The following PI4K2B variants were observed in gnomAD, a reference collection of about 807,000 sequenced individuals.
The protein encoded by PI4K2B is phosphatidylinositol 4-kinase type 2-beta.
PI4K2B carries 46 observed loss-of-function variants against 56.6 expected under a neutral mutation model. The observed-to-expected ratio is 0.81, with a 90% CI of 0.64 to 1.04. The LOEUF (loss-of-function observed/expected upper bound fraction) is 1.04. Ranked by LOEUF, PI4K2B falls within the 50% of genes least tolerant of loss-of-function variation. PI4K2B has a pLI of 0.00. For synonymous variants in PI4K2B, 211 were observed against 223.8 expected, an observed-to-expected ratio of 0.94 and a Z score of 0.51; for missense variants, 556 against 607.7, an observed-to-expected ratio of 0.91 and a Z score of 0.89.
chr4:25,260,594 A>T lies in PI4K2B; in HGVS notation c.978+3A>T. On this transcript the variant is annotated splice_donor_region_variant and intron_variant, in intron 6 of 9. Coordinates refer to ENST00000264864, the MANE Select transcript of PI4K2B (RefSeq NM_018323.4). ...GTGAAAAGGAAATTGACCATAAGGTAAGGAAATTTACAATTTTATATATAT... is the reference window on the plus strand; with the variant it reads ...GTGAAAAGGAAATTGACCATAAGGTTAGGAAATTTACAATTTTATATATAT... 2.0e-6 allele frequency: 2 copies of T among 991,284 alleles called. No individual in the cohort carries two copies. Among genetic ancestry groups the T allele is most frequent in the Non-Finnish European group, 2.8e-6 (2 of 704,962 alleles). 61.4% of individuals were successfully genotyped at this position (991,284 alleles called of 1,614,324 possible). A position where few individuals can be genotyped will look rare whatever the true frequency, so the allele number is the denominator to read the frequency against.
intron 5 of PI4K2B, among the ~76,000 whole-genome samples, chr4:25,259,657 G>C (rs1383731342): frequency 6.6e-6 from 1 of 151,716 alleles, no homozygotes; most frequent in East Asian, 1.9e-4. Flanking sequence ...GAATTGTCTT[G>C]GGCCACACAT....
chr4:25,238,346 G>A (rs1004207732), intron 1 of PI4K2B, among the ~76,000 whole-genome samples: 1 of 152,188 alleles, frequency 6.6e-6, no homozygotes, highest in Non-Finnish European at 1.5e-5. Context: ...CAATATCTGT[G>A]ATTAAAGTGA....
intron 7 of PI4K2B, among the ~76,000 whole-genome samples, chr4:25,267,220 A>C (rs1388182179): frequency 6.6e-6 from 1 of 152,184 alleles, no homozygotes; most frequent in Non-Finnish European, 1.5e-5. Context: ...GTAGTACTAG[A>C]AGTTGAGTGT....
At chr4:25,271,802 C>G (rs1256127976) in intron 9 of PI4K2B, among the ~76,000 whole-genome samples, 1 of 152,044 alleles carries the variant, frequency 6.6e-6, no homozygotes, top group African/African-American at 2.4e-5. Flanking sequence ...ATAATTTTGT[C>G]AGCTTTAATT....
At chr4:25,239,419 G>C (rs952688257) in intron 1 of PI4K2B, among the ~76,000 whole-genome samples, 1 of 122,394 alleles carries the variant, frequency 8.2e-6, no homozygotes, top group Non-Finnish European at 2.1e-5. Context: ...GTGAGAAAGC[G>C]AGCACGGTGC....
chr4:25,234,048 C>G lies in PI4K2B; in HGVS notation c.-116C>G, dbSNP rs1715115284. ...GGCGGGCGCCAAGCGTGCCCGTGCG[C>G]TGGTGAGGTGGCGTCCGTTCTACCC... On this transcript the variant is annotated 5_prime_UTR_variant, in exon 1 of 10. Transcript: ENST00000264864. 1 of 913,916 alleles carries G rather than the reference C, an allele frequency of 1.1e-6. No homozygotes were observed. Among genetic ancestry groups the G allele is most frequent in the Admixed American group, 4.3e-5 (1 of 23,278 alleles). The allele number at this position is 913,916 out of a possible 1,614,324, so 56.6% of individuals were successfully genotyped here. A position where few individuals can be genotyped will look rare whatever the true frequency, so the allele number is the denominator to read the frequency against.
rs1475790206 is a variant in PI4K2B at position 25,234,077 on chromosome 4, C to T, written c.-87C>T. 30 of 1,120,260 alleles carry T rather than the reference C, an allele frequency of 2.7e-5. No homozygotes were observed. The Admixed American group carries it at 6.8e-4, about 25-fold the overall frequency. 69.4% of individuals were successfully genotyped at this position (1,120,260 alleles called of 1,614,324 possible). Reference sequence around the variant, plus strand: ...TGAGGTGGCGTCCGTTCTACCCGGTCGCTCCCGTTCCGCGCCATGCAGAGC... The same window carrying T: ...TGAGGTGGCGTCCGTTCTACCCGGTTGCTCCCGTTCCGCGCCATGCAGAGC... On this transcript the variant is annotated 5_prime_UTR_variant, in exon 1 of 10. Transcript: ENST00000264864.
At chr4:25,248,412 T>C (rs1263792538) in intron 1 of PI4K2B, among the ~76,000 whole-genome samples, 1 of 152,126 alleles carries the variant, frequency 6.6e-6, no homozygotes, top group Non-Finnish European at 1.5e-5. Context: ...TCTCTTGTCT[T>C]GGAGTTTCCT....
chr4:25,259,332 T>C, intron 5 of PI4K2B, 142 bp downstream of exon 5: 2 of 606,236 alleles, frequency 3.3e-6, no homozygotes, highest in South Asian at 4.2e-5. Flanking sequence ...AGATGTAGTA[T>C]TGACTCTCCT....
At chr4:25,246,000 C>T (rs187322414) in intron 1 of PI4K2B, among the ~76,000 whole-genome samples, 12 of 152,064 alleles carry the variant, frequency 7.9e-5, no homozygotes, top group African/African-American at 2.7e-4. Context: ...AGTTCTTAAA[C>T]GCAGTGTGTC....
chr4:25,277,392 T>G lies in PI4K2B; in HGVS notation c.*205T>G. The G allele has an allele frequency of 1.2e-5, 5 of 426,510 alleles. No homozygotes were observed. Among genetic ancestry groups the G allele is most frequent in the African/African-American group, 2.0e-5 (1 of 50,048 alleles). The allele number at this position is 426,510 out of a possible 1,614,324, so 26.4% of individuals were successfully genotyped here. ...TTCAGGGAAGAAGTGCTATATCTCCTATATTGTATTTTTGTAGAAAATTTG... is the reference window on the plus strand; with the variant it reads ...TTCAGGGAAGAAGTGCTATATCTCCGATATTGTATTTTTGTAGAAAATTTG... On this transcript the variant is annotated 3_prime_UTR_variant, in exon 10 of 10. Coordinates refer to ENST00000264864, the MANE Select transcript of PI4K2B (RefSeq NM_018323.4).
intron 9 of PI4K2B, among the ~76,000 whole-genome samples, chr4:25,270,638 G>A (rs1057342314): frequency 6.6e-6 from 1 of 152,030 alleles, no homozygotes; most frequent in East Asian, 1.9e-4. Flanking sequence ...GTGCCACCGT[G>A]CCCAGCCCCT....
chr4:25,240,918 T>C (rs993895434), intron 1 of PI4K2B, among the ~76,000 whole-genome samples: 2 of 152,194 alleles, frequency 1.3e-5, no homozygotes, highest in Admixed American at 1.3e-4. Flanking sequence ...TCTTCCTCTC[T>C]GTCTCTTTCT....
Position 25,279,166 on chromosome 4 carries a change from A to AT in PI4K2B, c.*1980dup, listed in dbSNP as rs1469242880. On this transcript the variant is annotated 3_prime_UTR_variant, in exon 10 of 10. Transcript: ENST00000264864. ...CATTTACTATAAATGATGCCAAACTATCATTTTCTTCATATATTAAAGGTA... is the reference window on the plus strand; with the variant it reads ...CATTTACTATAAATGATGCCAAACTATTCATTTTCTTCATATATTAAAGGTA... 6.7e-6 allele frequency: 1 copy of AT among 148,394 alleles called. No homozygotes were observed. The highest frequency in any genetic ancestry group is 2.5e-5 in the African/African-American group (1 of 40,326). 9.2% of individuals were successfully genotyped at this position (148,394 alleles called of 1,614,324 possible).
chr4:25,269,318 C>T, intron 9 of PI4K2B, 115 bp downstream of exon 9: 1 of 628,886 alleles, frequency 1.6e-6, no homozygotes, highest in Non-Finnish European at 2.9e-6. Context: ...TTATGCTGAA[C>T]CAAAATAGCC....
At chr4:25,251,255 C>T (rs772122070) in intron 1 of PI4K2B, among the ~76,000 whole-genome samples, 5 of 152,112 alleles carry the variant, frequency 3.3e-5, no homozygotes, top group Non-Finnish European at 7.3e-5. Context: ...TTTGTGATTG[C>T]TGCTTATTTC....
intron 9 of PI4K2B, among the ~76,000 whole-genome samples, chr4:25,275,242 C>T (rs892610526): frequency 6.6e-6 from 1 of 152,202 alleles, no homozygotes; most frequent in Non-Finnish European, 1.5e-5. Flanking sequence ...AGGAAACTAA[C>T]CAAAACATTT....
At position 25,252,310 on chromosome 4, in the gene PI4K2B, T is replaced by G. The variant is rs750844850; in HGVS notation, c.269-11T>G. Reference sequence around the variant, plus strand: ...GAGCATTCTCATAGCTGGTATTTCTTCTTAATGCAGTAACTATTGGTACTT... The same window carrying G: ...GAGCATTCTCATAGCTGGTATTTCTGCTTAATGCAGTAACTATTGGTACTT... On this transcript the variant is annotated splice_polypyrimidine_tract_variant and intron_variant, in intron 1 of 9. Transcript: ENST00000264864. 5.0e-6 allele frequency: 8 copies of G among 1,601,778 alleles called. No homozygotes were observed. In the South Asian group the frequency reaches 8.8e-5, roughly 18 times the overall value.
chr4:25,262,758 T>C lies in PI4K2B; in HGVS notation c.979-992T>C, dbSNP rs150110317. ...GGTAAAATAAAACAGATATTCACAA[T>C]AATTACCTCTAAAGATAGTTGAGCT... On this transcript the variant is annotated intron_variant, in intron 6 of 9. Coordinates refer to ENST00000264864, the MANE Select transcript of PI4K2B (RefSeq NM_018323.4). Among the ~76,000 whole-genome samples, 20 of 152,304 alleles carry C rather than the reference T, an allele frequency of 1.3e-4. No individual in the cohort carries two copies. In the East Asian group the frequency reaches 3.9e-3, roughly 29 times the overall value.
Sources: gnomAD v4.1 joint callset for allele counts (sites outside exome capture counted in the v4.1 genomes callset) on GRCh38, gnomAD v4.1.1 for gene constraint, MANE v1.5 for transcripts, NCBI Gene and HGNC (gene_info 2026-07-23, HGNC 2026-07-21) for gene names.